The following NSUN7 variants were observed in gnomAD, a reference collection of about 807,000 sequenced individuals.
NSUN7 encodes protein NSUN7.
In NSUN7, 39 loss-of-function variants were observed where a neutral mutation model predicts 58.5. That is an observed-to-expected ratio of 0.67 (90% confidence interval 0.52 to 0.87). NSUN7 has a LOEUF of 0.87. NSUN7 is among the 40% of genes least tolerant of loss of function. The pLI, the probability that NSUN7 is intolerant of heterozygous loss-of-function variation, is 0.00. For synonymous variants in NSUN7, 278 were observed against 303.7 expected (o/e 0.92, Z 0.88); for missense variants, 765 against 844.1 (o/e 0.91, Z 1.16).
intron 10 of NSUN7, among the ~76,000 whole-genome samples, chr4:40,799,330 A>C (rs1413296817): frequency 6.6e-6 from 1 of 151,470 alleles, no homozygotes; most frequent in Non-Finnish European, 1.5e-5. Flanking sequence ...CAGGTAATCC[A>C]CCTGCCTTGG....
chr4:40,780,092 C>A (rs1577564997), intron 7 of NSUN7, among the ~76,000 whole-genome samples: 1 of 151,990 alleles, frequency 6.6e-6, no homozygotes, highest in African/African-American at 2.4e-5. Context: ...ACCAGCCCGA[C>A]CAGCATGGTG....
intron 7 of NSUN7, among the ~76,000 whole-genome samples, chr4:40,789,418 C>T (rs1041052964): frequency 7.2e-5 from 11 of 152,052 alleles, no homozygotes; most frequent in African/African-American, 1.9e-4. Flanking sequence ...ACTTTTGACA[C>T]GTGTGAGACT....
Position 40,798,779 on chromosome 4 carries a change from TA to T in NSUN7, c.1283-6del. The T allele has an allele frequency of 6.7e-7, 1 of 1,503,432 alleles. No homozygotes were observed. The highest frequency in any genetic ancestry group is 9.2e-7 in the Non-Finnish European group (1 of 1,084,036). 93.1% of individuals were successfully genotyped at this position (1,503,432 alleles called of 1,614,324 possible). A position where few individuals can be genotyped will look rare whatever the true frequency, so the allele number is the denominator to read the frequency against. On this transcript the variant is annotated splice_polypyrimidine_tract_variant and splice_region_variant and intron_variant, in intron 9 of 11. Transcript: ENST00000381782. Reference sequence around the variant, plus strand: ...TTGTTACAGTCATTGCATCTTCTTCTAATATAGTTACTAAAGCTCAAGCAGT... The same window carrying T: ...TTGTTACAGTCATTGCATCTTCTTCTATATAGTTACTAAAGCTCAAGCAGT...
At chr4:40,760,544 G>C (rs1181673162) in intron 3 of NSUN7, 52 bp downstream of exon 3, 1 of 1,430,526 alleles carries the variant, frequency 7.0e-7, no homozygotes, top group African/African-American at 1.4e-5. Flanking sequence ...TTTTAAAAAA[G>C]AAAGTGTTTA....
chr4:40,758,878 C>T (rs149230142), intron 2 of NSUN7, among the ~76,000 whole-genome samples: 111 of 151,308 alleles, frequency 7.3e-4, no homozygotes, highest in African/African-American at 2.6e-3. Flanking sequence ...GAGGAAGACT[C>T]TGTCTCAAAA....
chr4:40,766,241 T>G (rs952996329), intron 4 of NSUN7, among the ~76,000 whole-genome samples: 2 of 151,400 alleles, frequency 1.3e-5, no homozygotes, highest in African/African-American at 4.9e-5. Context: ...CTCTTATTAT[T>G]TTGAGATACG....
chr4:40,754,690 G>C (rs1319036891), intron 2 of NSUN7, among the ~76,000 whole-genome samples: 1 of 152,114 alleles, frequency 6.6e-6, no homozygotes, highest in Non-Finnish European at 1.5e-5. Context: ...TTGAGTAATG[G>C]TCCCTTTTGT....
At chr4:40,793,285 T>C (rs966832501) in intron 8 of NSUN7, among the ~76,000 whole-genome samples, 3 of 151,910 alleles carry the variant, frequency 2.0e-5, no homozygotes, top group Non-Finnish European at 4.4e-5. Flanking sequence ...CTACTAAAAA[T>C]ACAAAAATTA....
At chr4:40,803,483 C>G (rs1037455686) in intron 10 of NSUN7, among the ~76,000 whole-genome samples, 1 of 152,188 alleles carries the variant, frequency 6.6e-6, no homozygotes, top group Non-Finnish European at 1.5e-5. Context: ...GCCATTCTAA[C>G]TGGTGTGAGA....
intron 7 of NSUN7, among the ~76,000 whole-genome samples, chr4:40,790,324 T>C (rs79056562): frequency 1.3e-5 from 2 of 152,288 alleles, no homozygotes; most frequent in East Asian, 1.9e-4. Context: ...GCCTCTGAAG[T>C]CTATTTCTCC....
At chr4:40,791,622 C>A (rs1743075938) in intron 8 of NSUN7, among the ~76,000 whole-genome samples, 1 of 152,050 alleles carries the variant, frequency 6.6e-6, no homozygotes, top group African/African-American at 2.4e-5. Flanking sequence ...TATGCTTATC[C>A]CTTGCTTATA....
chr4:40,802,453 G>A (rs945948206), intron 10 of NSUN7, among the ~76,000 whole-genome samples: 4 of 152,194 alleles, frequency 2.6e-5, no homozygotes, highest in African/African-American at 9.7e-5. Flanking sequence ...TTAAAGGGAT[G>A]AAGTAGGGTT....
chr4:40,755,418 AT>A (rs199906089), intron 2 of NSUN7, among the ~76,000 whole-genome samples: 2,686 of 151,758 alleles, frequency 0.018, 70 homozygotes, highest in African/African-American at 0.058. Flanking sequence ...AAACCTGGCA[AT>A]TTTTTTTTAA....
At chr4:40,760,372 A>AC in intron 2 of NSUN7, 62 bp from the exon 3 acceptor site, 1 of 1,226,822 alleles carries the variant, frequency 8.2e-7, no homozygotes, top group Admixed American at 1.8e-5. Flanking sequence ...GTGTATTTTG[A>AC]TTCCAGAGTT....
In NSUN7 at chr4:40,750,667, A is replaced by G. The variant is rs771381432; in HGVS notation, c.-27A>G. On this transcript the variant is annotated 5_prime_UTR_variant, in exon 2 of 12. Transcript: ENST00000381782. ...CATCGGAATTCTAACCCCAGGGTGA[A>G]GGACTCACGACAGGCGAGGGGCAGA... 7 of 1,607,072 alleles carry G rather than the reference A, an allele frequency of 4.4e-6. No homozygotes were observed. The highest frequency in any genetic ancestry group is 4.5e-5 in the East Asian group (2 of 44,738).
chr4:40,750,979 A>G lies in NSUN7; in HGVS notation c.286A>G (p.Ser96Gly), dbSNP rs1740802212. The part of the protein sequence containing the change: ...FQRLSYELAF[S>G]ALKYQDILET... Reference sequence around the variant, plus strand: ...GCGTTTGTCTTATGAGCTGGCTTTCAGTGCCCTGAAATGTGAGTTGTGCCA... The same window carrying G: ...GCGTTTGTCTTATGAGCTGGCTTTCGGTGCCCTGAAATGTGAGTTGTGCCA... The change falls in exon 2 of 12, where the codon AGT (serine) becomes GGT (glycine). Residue 96 changes from serine (S) to glycine (G), a missense_variant. Transcript: ENST00000381782. 1.2e-6 allele frequency: 2 copies of G among 1,613,804 alleles called. No individual in the cohort carries two copies. Among genetic ancestry groups the G allele is most frequent in the Non-Finnish European group, 8.5e-7 (1 of 1,179,666 alleles).
chr4:40,764,348 C>A (rs192698132), intron 4 of NSUN7, among the ~76,000 whole-genome samples: 3 of 149,516 alleles, frequency 2.0e-5, no homozygotes, highest in Non-Finnish European at 4.4e-5. Context: ...TTTGTCCTTG[C>A]GATAGTTTAC....
intron 7 of NSUN7, among the ~76,000 whole-genome samples, chr4:40,777,280 A>G (rs1742314878): frequency 6.6e-6 from 1 of 152,162 alleles, no homozygotes; most frequent in Non-Finnish European, 1.5e-5. Flanking sequence ...CTGGAGGAAA[A>G]CAACATCATC....
chr4:40,771,402 C>T lies in NSUN7; in HGVS notation c.489-2863C>T, dbSNP rs186175430. Among the ~76,000 whole-genome samples the T allele has an allele frequency of 7.2e-5, 11 of 152,296 alleles. No individual in the cohort carries two copies. The East Asian group carries it at 1.3e-3, about 19-fold the overall frequency. ...CTTTCTACCTCCAAAAAATCTCTGT[C>T]TTTCTCTCTTTCTCTTCTCTCTCAT... On this transcript the variant is annotated intron_variant, in intron 4 of 11. Transcript: ENST00000381782.
Sources: gnomAD v4.1 joint callset for allele counts (sites outside exome capture counted in the v4.1 genomes callset) on GRCh38, gnomAD v4.1.1 for gene constraint, MANE v1.5 for transcripts, NCBI Gene and HGNC (gene_info 2026-07-23, HGNC 2026-07-21) for gene names.